EYS: variants seen among roughly 807,000 people sequenced by gnomAD.
EYS encodes the protein EGF-like photoreceptor maintenance factor.
In EYS, 250 loss-of-function variants were observed where a neutral mutation model predicts 282.1. The ratio of observed to expected loss-of-function variants is 0.89; its 90% CI spans 0.80 to 0.98. The LOEUF is 0.98. EYS is among the 50% of genes least tolerant of loss of function. The pLI is 0.00. For synonymous variants in EYS, 1,355 were observed against 1,282.9 expected (o/e 1.06, Z -1.20); for missense variants, 4,016 against 3,709.0 (o/e 1.08, Z -2.15).
intron 35 of EYS, among the ~76,000 whole-genome samples, chr6:63,959,318 T>C (rs1349082869): frequency 1.3e-5 from 2 of 152,158 alleles, no homozygotes; most frequent in African/African-American, 4.8e-5. Context: ...TGAGATACCA[T>C]TTCATGCCAG....
chr6:63,825,002 TG>T (rs1452572552), intron 36 of EYS, among the ~76,000 whole-genome samples: 1 of 152,014 alleles, frequency 6.6e-6, no homozygotes, highest in Non-Finnish European at 1.5e-5. Context: ...GGCAGAAATC[TG>T]GCAAGTTTTC....
At chr6:64,284,541 C>T (rs1290089578) in intron 30 of EYS, among the ~76,000 whole-genome samples, 2 of 152,070 alleles carry the variant, frequency 1.3e-5, no homozygotes, top group Non-Finnish European at 2.9e-5. Context: ...GGCCCTCTTT[C>T]CACAGCTCTA....
At chr6:64,734,949 A>G (rs1003320326) in intron 22 of EYS, among the ~76,000 whole-genome samples, 1 of 152,280 alleles carries the variant, frequency 6.6e-6, no homozygotes, top group South Asian at 2.1e-4. Context: ...TCTCTCTAAT[A>G]TATGTTGCAC....
chr6:65,200,240 A>G (rs1235408618), intron 12 of EYS, among the ~76,000 whole-genome samples: 2 of 151,824 alleles, frequency 1.3e-5, no homozygotes, highest in Non-Finnish European at 2.9e-5. Flanking sequence ...GAAGATGGAA[A>G]TTCTATTTGA....
chr6:64,576,067 A>G (rs1352167694), intron 26 of EYS, among the ~76,000 whole-genome samples: 2 of 152,112 alleles, frequency 1.3e-5, no homozygotes, highest in Non-Finnish European at 2.9e-5. Flanking sequence ...AGCTTCTGTC[A>G]TATTACCAGG....
At chr6:64,558,189 A>C (rs1402725199) in intron 26 of EYS, among the ~76,000 whole-genome samples, 1 of 152,136 alleles carries the variant, frequency 6.6e-6, no homozygotes, top group Admixed American at 6.6e-5. Flanking sequence ...ACTTCAATTT[A>C]AGATTGTTGC....
At chr6:63,993,968 G>C (rs1400943571) in intron 34 of EYS, among the ~76,000 whole-genome samples, 1 of 151,866 alleles carries the variant, frequency 6.6e-6, no homozygotes, top group Non-Finnish European at 1.5e-5. Context: ...TGAAACATAA[G>C]AGGCTGTGAA....
chr6:64,556,303 T>C (rs1460301399), intron 26 of EYS, among the ~76,000 whole-genome samples: 1 of 151,980 alleles, frequency 6.6e-6, no homozygotes, highest in East Asian at 1.9e-4. Context: ...ACAATCAAAA[T>C]GAATGAACTA....
intron 31 of EYS, among the ~76,000 whole-genome samples, chr6:64,199,184 T>C (rs202237625): frequency 6.6e-6 from 1 of 152,290 alleles, no homozygotes; most frequent in East Asian, 1.9e-4. Context: ...CTTCAAACTA[T>C]ACTACAAGGC....
intron 19 of EYS, among the ~76,000 whole-genome samples, chr6:64,860,303 A>G (rs1466635400): frequency 6.6e-6 from 1 of 152,210 alleles, no homozygotes; most frequent in Non-Finnish European, 1.5e-5. Flanking sequence ...CCCACTTGGC[A>G]TGGCAGGCTG....
At chr6:65,048,690 T>C (rs759264406) in intron 13 of EYS, among the ~76,000 whole-genome samples, 11 of 151,910 alleles carry the variant, frequency 7.2e-5, no homozygotes, top group Non-Finnish European at 1.2e-4. Context: ...TTCAGTATGC[T>C]TGAAGCTCTC....
Position 65,019,908 on chromosome 6 carries a change from A to AGG in EYS, c.2138-22206_2138-22205insCC, listed in dbSNP as rs1561924680. On this transcript the variant is annotated intron_variant, in intron 13 of 42. Coordinates refer to ENST00000503581, the MANE Select transcript of EYS (RefSeq NM_001142800.2). ...ATGTCCCTCTTCACATGGCGGCAGCAAGAAGTGCCGAGCAAAATGGGGAAA... is the reference window on the plus strand; with the variant it reads ...ATGTCCCTCTTCACATGGCGGCAGCAGGAGAAGTGCCGAGCAAAATGGGGAAA... 4.0e-5 allele frequency among the ~76,000 whole-genome samples: 6 copies of AGG among 151,794 alleles called. No individual in the cohort carries two copies. The East Asian group carries it at 1.2e-3, about 29-fold the overall frequency.
chr6:63,824,407 T>C lies in EYS; in HGVS notation c.7229-18035A>G, dbSNP rs534246833. Among the ~76,000 whole-genome samples, 6 of 152,320 alleles carry C rather than the reference T, an allele frequency of 3.9e-5. No individual in the cohort carries two copies. The South Asian group carries it at 1.2e-3, about 32-fold the overall frequency. On this transcript the variant is annotated intron_variant, in intron 36 of 42. Transcript: ENST00000503581. The stretch of plus-strand genomic sequence containing the variant: ...AAAAAGGAAGATCATTCAATAAATA[T>C]TACTGATAAATTGATCATTACCACA...
chr6:63,798,708 C>T (rs1770703072), intron 37 of EYS, among the ~76,000 whole-genome samples: 1 of 151,996 alleles, frequency 6.6e-6, no homozygotes, highest in African/African-American at 2.4e-5. Flanking sequence ...ACATTCATTT[C>T]ATTTTTTTTC....
In EYS at chr6:63,778,101, ATTTGG is replaced by A. The variant is rs1770112191; in HGVS notation, c.7798_7802del (p.Pro2600CysfsTer30). 4 of 1,551,788 alleles carry A rather than the reference ATTTGG, an allele frequency of 2.6e-6. No homozygotes were observed. Among genetic ancestry groups the A allele is most frequent in the Non-Finnish European group, 3.5e-6 (4 of 1,146,956 alleles). ...GACACTGGCCAACACTGCGTCCAGCATTTGGGTGGCCCTCAGGATTTCCCAGTCCT... is the reference window on the plus strand; with the variant it reads ...GACACTGGCCAACACTGCGTCCAGCAGTGGCCCTCAGGATTTCCCAGTCCT... On this transcript the variant is annotated frameshift_variant, in exon 40 of 43. Coordinates refer to ENST00000503581, the MANE Select transcript of EYS (RefSeq NM_001142800.2). LOFTEE classifies it high-confidence loss of function.
intron 11 of EYS, among the ~76,000 whole-genome samples, chr6:65,326,787 G>A (rs1437678827): frequency 1.3e-5 from 2 of 151,204 alleles, no homozygotes; most frequent in Admixed American, 6.6e-5. Context: ...ATTCCTTGGT[G>A]TTTTATCTTT....
At chr6:64,927,013 A>C (rs1357908732) in intron 15 of EYS, among the ~76,000 whole-genome samples, 3 of 152,202 alleles carry the variant, frequency 2.0e-5, no homozygotes, top group Non-Finnish European at 2.9e-5. Context: ...TGAATCTTTT[A>C]GTATAGGACA....
At chr6:64,400,086 T>C (rs1773495853) in intron 28 of EYS, among the ~76,000 whole-genome samples, 1 of 151,986 alleles carries the variant, frequency 6.6e-6, no homozygotes, top group Non-Finnish European at 1.5e-5. Flanking sequence ...GAAAAGTGAA[T>C]ATATCATGAG....
intron 22 of EYS, among the ~76,000 whole-genome samples, chr6:64,658,634 GCCTGGGTAT>G (rs1189569112): frequency 6.6e-6 from 1 of 152,182 alleles, no homozygotes; most frequent in African/African-American, 2.4e-5. Context: ...GACCCTGTTT[GCCTGGGTAT>G]CAGCAGCGGA....
Sources: gnomAD v4.1 joint callset for allele counts (sites outside exome capture counted in the v4.1 genomes callset) on GRCh38, gnomAD v4.1.1 for gene constraint, MANE v1.5 for transcripts, NCBI Gene and HGNC (gene_info 2026-07-23, HGNC 2026-07-21) for gene names.